The following LMCD1 variants were observed in gnomAD, a reference collection of about 807,000 sequenced individuals.
LMCD1 encodes LIM and cysteine-rich domains protein 1.
A neutral mutation model predicts 42.7 loss-of-function variants in LMCD1; 32 were observed. The ratio of observed to expected loss-of-function variants is 0.75; its 90% CI spans 0.57 to 1.01. The LOEUF (loss-of-function observed/expected upper bound fraction) is 1.01. LMCD1 is among the 50% of genes least tolerant of loss of function. The pLI is 0.00. For missense variants in LMCD1, 458 were observed against 483.1 expected, an observed-to-expected ratio of 0.95 and a Z score of 0.49; for synonymous variants, 178 against 184.9, an observed-to-expected ratio of 0.96 and a Z score of 0.30.
intron 1 of LMCD1, among the ~76,000 whole-genome samples, chr3:8,502,321 T>TATATATTATATAAAA (rs1553604870): frequency 1.2e-4 from 3 of 25,752 alleles, no homozygotes; most frequent in African/African-American, 1.9e-4. Context: ...AAAATATATA[T>TATATATTATATAAAA]TATATATAAT....
intron 5 of LMCD1, 80 bp from the exon 6 acceptor site, chr3:8,567,360 C>T (rs894318987): frequency 8.4e-6 from 12 of 1,428,604 alleles, no homozygotes; most frequent in Middle Eastern, 1.8e-4. Context: ...TGAACCACCA[C>T]CCTATAACTT....
At chr3:8,564,947 A>G (rs1300992143) in intron 4 of LMCD1, among the ~76,000 whole-genome samples, 7 of 152,242 alleles carry the variant, frequency 4.6e-5, no homozygotes, top group Non-Finnish European at 2.9e-5. Context: ...AGATTTGCAG[A>G]TATATAAAAC....
rs375316339 is a variant in LMCD1, at chr3:8,548,734, T to A, written c.554T>A (p.Phe185Tyr). The A allele has an allele frequency of 1.2e-6, 2 of 1,613,910 alleles. No individual in the cohort carries two copies. Among genetic ancestry groups the A allele is most frequent in the Non-Finnish European group, 1.7e-6 (2 of 1,179,992 alleles). The change falls in exon 4 of 6, where the codon TTT becomes TAT. Residue 185 changes from phenylalanine (F) to tyrosine (Y), a missense_variant. Physicochemically the swap from Phe to Tyr is conservative, Grantham distance 22. Coordinates refer to ENST00000157600, the MANE Select transcript of LMCD1 (RefSeq NM_014583.4). Reference sequence around the variant, plus strand: ...AATGAGTTGAAACTGATGGAAGAATTTGTCAAGCAATATAAGAGCGAGGCC... The same window carrying A: ...AATGAGTTGAAACTGATGGAAGAATATGTCAAGCAATATAAGAGCGAGGCC... The part of the protein sequence containing the change: ...LENELKLMEE[F>Y]VKQYKSEALG...
chr3:8,510,501 A>C (rs572443076), intron 1 of LMCD1, among the ~76,000 whole-genome samples: 2 of 152,320 alleles, frequency 1.3e-5, no homozygotes, highest in South Asian at 4.1e-4. Context: ...AATTAGGAAA[A>C]GTATTGCATT....
intron 3 of LMCD1, among the ~76,000 whole-genome samples, chr3:8,537,714 A>G (rs754209784): frequency 3.3e-5 from 5 of 152,168 alleles, no homozygotes; most frequent in South Asian, 4.1e-4. Context: ...TTATTGTTCC[A>G]TTTGGGCTCC....
rs1041626473 is a variant in LMCD1, at chr3:8,573,914, G to A, written c.*6316G>A. On this transcript the variant is annotated 3_prime_UTR_variant, in exon 6 of 6. Transcript: ENST00000157600. ...AAGAAGAAAAGAAAAGAAAAAATAT[G>A]AGAGGGGTTTTGCTTTCTGGAATCT... 3 of 151,782 alleles carry A rather than the reference G, an allele frequency of 2.0e-5. No individual in the cohort carries two copies. Among genetic ancestry groups the A allele is most frequent in the Non-Finnish European group, 4.4e-5 (3 of 67,966 alleles). 9.4% of individuals were successfully genotyped at this position (151,782 alleles called of 1,614,324 possible).
chr3:8,514,412 A>G lies in LMCD1; in HGVS notation c.42+12432A>G, dbSNP rs140942086. 2.0e-3 allele frequency among the ~76,000 whole-genome samples: 307 copies of G among 152,346 alleles called. 1 individual carries two copies. The highest frequency in any genetic ancestry group is 2.5e-3 in the Non-Finnish European group (170 of 68,034). On this transcript the variant is annotated intron_variant, in intron 1 of 5. Coordinates refer to ENST00000157600, the MANE Select transcript of LMCD1 (RefSeq NM_014583.4). ...CTGGAACTCACAGACATTGCCAGGG[A>G]GAATATAAAATGATACAGCCACCGT...
chr3:8,512,334 T>A (rs1221210917), intron 1 of LMCD1, among the ~76,000 whole-genome samples: 4 of 152,218 alleles, frequency 2.6e-5, no homozygotes, highest in Non-Finnish European at 4.4e-5. Flanking sequence ...CTTGCTGTAT[T>A]CTAGAGCAGG....
intron 3 of LMCD1, among the ~76,000 whole-genome samples, chr3:8,544,424 A>T (rs1694695691): frequency 6.6e-6 from 1 of 152,154 alleles, no homozygotes. Flanking sequence ...GTATGCTGTG[A>T]GCTTACAGTG....
rs144452673 is a variant in LMCD1 at position 8,554,096 on chromosome 3, G to A, written c.723+5193G>A. The stretch of plus-strand genomic sequence containing the variant: ...CTCTCACTCTCTCACCCAGGCTGGA[G>A]TGCCGTGGCAGGATCATAGCTCACT... On this transcript the variant is annotated intron_variant, in intron 4 of 5. Coordinates refer to ENST00000157600, the MANE Select transcript of LMCD1 (RefSeq NM_014583.4). 7.7e-4 allele frequency among the ~76,000 whole-genome samples: 117 copies of A among 152,278 alleles called. No homozygotes were observed. The East Asian group carries it at 0.013, about 18-fold the overall frequency.
rs555410920 is a variant in LMCD1 at position 8,558,232 on chromosome 3, A to G, written c.724-7200A>G. Among the ~76,000 whole-genome samples the G allele has an allele frequency of 5.3e-5, 8 of 152,354 alleles. No homozygotes were observed. The East Asian group carries it at 1.2e-3, about 22-fold the overall frequency. ...GGAAGGGTATCCAAGAAATTTGCCA[A>G]CATGACTTAAACACCCATGGCTGAG... On this transcript the variant is annotated intron_variant, in intron 4 of 5. Coordinates refer to ENST00000157600, the MANE Select transcript of LMCD1 (RefSeq NM_014583.4).
chr3:8,531,648 C>T (rs188715202), intron 1 of LMCD1, among the ~76,000 whole-genome samples: 24 of 152,308 alleles, frequency 1.6e-4, no homozygotes, highest in Admixed American at 1.3e-3. Flanking sequence ...CTTCCTTTAC[C>T]TCAGACTTGC....
rs73810500 is a variant in LMCD1, at chr3:8,568,679, A to C, written c.*1081A>C. 1 of 152,352 alleles carries C rather than the reference A, an allele frequency of 6.6e-6. No individual in the cohort carries two copies. Among genetic ancestry groups the C allele is most frequent in the African/African-American group, 2.4e-5 (1 of 41,584 alleles). 9.4% of individuals were successfully genotyped at this position (152,352 alleles called of 1,614,324 possible). On this transcript the variant is annotated 3_prime_UTR_variant, in exon 6 of 6. Transcript: ENST00000157600. ...CTAAACATTGAATGAGTCACGTAGA[A>C]TAGGTCTTTGGGCCAAATTGTATCT...
At position 8,568,211 on chromosome 3, in the gene LMCD1, T is replaced by TC; in HGVS notation, c.*614dup. On this transcript the variant is annotated 3_prime_UTR_variant, in exon 6 of 6. Coordinates refer to ENST00000157600, the MANE Select transcript of LMCD1 (RefSeq NM_014583.4). Reference sequence around the variant, plus strand: ...ATATAGTAAAATACTAATGAGCCTCTCTATCAATGTATCTCATCAGACTTC... The same window carrying TC: ...ATATAGTAAAATACTAATGAGCCTCTCCTATCAATGTATCTCATCAGACTTC... 1.3e-5 allele frequency: 2 copies of TC among 152,228 alleles called. No individual in the cohort carries two copies. The highest frequency in any genetic ancestry group is 2.9e-5 in the Non-Finnish European group (2 of 68,056). The allele number at this position is 152,228 out of a possible 1,614,324, so 9.4% of individuals were successfully genotyped here. A position where few individuals can be genotyped will look rare whatever the true frequency, so the allele number is the denominator to read the frequency against.
At chr3:8,524,270 G>A (rs1416628002) in intron 1 of LMCD1, among the ~76,000 whole-genome samples, 1 of 151,928 alleles carries the variant, frequency 6.6e-6, no homozygotes, top group Non-Finnish European at 1.5e-5. Context: ...TTCCCAGGTT[G>A]GGCCCCCTCA....
Position 8,548,816 on chromosome 3 carries a change from G to T in LMCD1, c.636G>T (p.Gly212=). 1 of 1,604,472 alleles carries T rather than the reference G, an allele frequency of 6.2e-7. No homozygotes were observed. Among genetic ancestry groups the T allele is most frequent in the Non-Finnish European group, 8.5e-7 (1 of 1,172,724 alleles). Residue 212 remains glycine, a synonymous_variant, in exon 4 of 6, where the codon GGG becomes GGT. Transcript: ENST00000157600. ...PGQGGLPKEE[G]KQQEKPEGAE... ...AGGGTGGCTTGCCCAAGGAGGAGGG[G>T]AAGCAGCAGGAAAAGCCAGAGGGGG...
chr3:8,523,825 A>G (rs1405500259), intron 1 of LMCD1, among the ~76,000 whole-genome samples: 2 of 152,026 alleles, frequency 1.3e-5, no homozygotes, highest in African/African-American at 4.8e-5. Flanking sequence ...TGGCTTTCCA[A>G]CCCCCTGGCA....
At chr3:8,540,054 A>T (rs915963487) in intron 3 of LMCD1, among the ~76,000 whole-genome samples, 2 of 151,774 alleles carry the variant, frequency 1.3e-5, no homozygotes, top group African/African-American at 4.8e-5. Context: ...TGCAGCCATA[A>T]AAAAGGATGA....
intron 1 of LMCD1, among the ~76,000 whole-genome samples, chr3:8,502,378 TA>T (rs1693770615): frequency 2.2e-5 from 2 of 91,208 alleles, no homozygotes; most frequent in East Asian, 2.8e-4. Context: ...AAAATATATA[TA>T]ATATATATTA....
Sources: allele counts gnomAD v4.1 joint callset (sites outside exome capture counted in the v4.1 genomes callset), GRCh38; gene constraint gnomAD v4.1.1; transcripts MANE v1.5; gene names NCBI Gene and HGNC (gene_info 2026-07-23, HGNC 2026-07-21).